Variants in ERFL observed in about 807,000 individuals in gnomAD.
ERFL encodes the protein ETS domain-containing transcription factor ERF-like.
In ERFL, 8 loss-of-function variants were observed where a neutral mutation model predicts 27.9. The ratio of observed to expected loss-of-function variants is 0.29; its 90% CI spans 0.17 to 0.52. The LOEUF (loss-of-function observed/expected upper bound fraction) is 0.52. Ranked by LOEUF, ERFL falls within the 20% of genes least tolerant of loss-of-function variation. The pLI, the probability that ERFL is intolerant of heterozygous loss-of-function variation, is 0.97. For missense variants in ERFL, 294 were observed against 444.4 expected (o/e 0.66, Z 3.04); for synonymous variants, 174 against 202.8 (o/e 0.86, Z 1.21).
rs918988812 is a variant in ERFL, at chr19:41,907,857, G to T, written c.*371C>A. Reference sequence around the variant, plus strand: ...CTGTCCCCAGGGGGGCCTATATGGGGGGGGTGTCAGGACTGGGGCCAGCAC... The same window carrying T: ...CTGTCCCCAGGGGGGCCTATATGGGTGGGGTGTCAGGACTGGGGCCAGCAC... On this transcript the variant is annotated 3_prime_UTR_variant, in exon 6 of 6. Transcript: ENST00000597630. 1.9e-5 allele frequency: 4 copies of T among 212,372 alleles called. No individual in the cohort carries two copies. Among genetic ancestry groups the T allele is most frequent in the Non-Finnish European group, 3.6e-5 (4 of 110,086 alleles). 13.2% of individuals were successfully genotyped at this position (212,372 alleles called of 1,614,324 possible).
intron 2 of ERFL, among the ~76,000 whole-genome samples, chr19:41,911,684 C>G (rs1555851266): frequency 6.6e-6 from 1 of 152,106 alleles, no homozygotes; most frequent in Non-Finnish European, 1.5e-5. Context: ...AGCTCTGACC[C>G]ATTCCACACC....
At chr19:41,915,269 C>T (rs533868581) in intron 1 of ERFL, among the ~76,000 whole-genome samples, 3 of 150,852 alleles carry the variant, frequency 2.0e-5, no homozygotes, top group South Asian at 4.3e-4. Context: ...CCTGCTCCCA[C>T]GCTCCCCCCG....
At chr19:41,918,761 A>G (rs2074819637) in intron 1 of ERFL, among the ~76,000 whole-genome samples, 1 of 149,414 alleles carries the variant, frequency 6.7e-6, no homozygotes, top group African/African-American at 2.5e-5. Flanking sequence ...CACCACATAT[A>G]CATCTACCAC....
chr19:41,920,586 C>T (rs1395796715), intron 1 of ERFL, among the ~76,000 whole-genome samples: 2 of 152,222 alleles, frequency 1.3e-5, no homozygotes, highest in Non-Finnish European at 2.9e-5. Flanking sequence ...GTGATGCACT[C>T]ACAGACAGGA....
chr19:41,919,634 G>C (rs963353291), intron 1 of ERFL, among the ~76,000 whole-genome samples: 1 of 152,024 alleles, frequency 6.6e-6, no homozygotes, highest in Non-Finnish European at 1.5e-5. Context: ...ACACACAGCT[G>C]GTCTGTGACA....
At chr19:41,923,000 G>T in intron 1 of ERFL, 1 of 377,546 alleles carries the variant, frequency 2.6e-6, no homozygotes, top group South Asian at 2.0e-5. Flanking sequence ...GGAATGTGAG[G>T]GGCAGCCTAG....
At chr19:41,918,860 C>T (rs2074820354) in intron 1 of ERFL, among the ~76,000 whole-genome samples, 1 of 150,834 alleles carries the variant, frequency 6.6e-6, no homozygotes, top group African/African-American at 2.4e-5. Flanking sequence ...ATCAGACACA[C>T]CACACACCAC....
Position 41,917,225 on chromosome 19 carries a change from A to G in ERFL, c.-13-4293T>C, listed in dbSNP as rs911915578. ...CCTGCCTGTCTTTCTAAATATCTCC[A>G]TCTCTGAGTGTCTCTGTTTCCCCCA... On this transcript the variant is annotated intron_variant, in intron 1 of 5. Coordinates refer to ENST00000597630, the MANE Select transcript of ERFL (RefSeq NM_001365103.2). The surrounding 1 kb of genome is among the most constrained non-coding windows in gnomAD (Gnocchi z 4.8). Among the ~76,000 whole-genome samples the G allele has an allele frequency of 1.3e-5, 2 of 150,796 alleles. No individual in the cohort carries two copies. Among genetic ancestry groups the G allele is most frequent in the Non-Finnish European group, 3.0e-5 (2 of 67,666 alleles).
intron 1 of ERFL, 41 bp from the exon 2 acceptor site, chr19:41,912,973 GGA>G (rs2074762754): frequency 1.0e-6 from 1 of 966,352 alleles, no homozygotes; most frequent in Admixed American, 4.3e-5. Flanking sequence ...GGGGTGGGCA[GGA>G]GAGACAGACA....
chr19:41,908,983 C>G lies in ERFL; in HGVS notation c.616+77G>C. On this transcript the variant is annotated intron_variant, in intron 5 of 5. Coordinates refer to ENST00000597630, the MANE Select transcript of ERFL (RefSeq NM_001365103.2). This position sits in a 1 kb window ranked among gnomAD's most constrained non-coding sequence, Gnocchi z 6.7. Reference sequence around the variant, plus strand: ...CCCCCTTCCCCATCTCTTCTCTTGTCTTTTCTCATCCTCTTCCCTCAAGCC... The same window carrying G: ...CCCCCTTCCCCATCTCTTCTCTTGTGTTTTCTCATCCTCTTCCCTCAAGCC... The G allele has an allele frequency of 1.1e-6, 1 of 947,030 alleles. No homozygotes were observed. Among genetic ancestry groups the G allele is most frequent in the Non-Finnish European group, 1.4e-6 (1 of 729,044 alleles). 58.7% of individuals were successfully genotyped at this position (947,030 alleles called of 1,614,324 possible). A position where few individuals can be genotyped will look rare whatever the true frequency, so the allele number is the denominator to read the frequency against.
chr19:41,920,285 G>A (rs73550655), intron 1 of ERFL, among the ~76,000 whole-genome samples: 28,394 of 121,510 alleles, frequency 0.23, 6,263 homozygotes, highest in African/African-American at 0.6. Flanking sequence ...ACATGATAAC[G>A]CTCACAGACA....
chr19:41,909,489 GTGT>G lies in ERFL; in HGVS notation c.303-21_303-19del. 1 of 1,252,372 alleles carries G rather than the reference GTGT, an allele frequency of 8.0e-7. No individual in the cohort carries two copies. Among genetic ancestry groups the G allele is most frequent in the Non-Finnish European group, 1.0e-6 (1 of 999,940 alleles). 77.6% of individuals were successfully genotyped at this position (1,252,372 alleles called of 1,614,324 possible). A position where few individuals can be genotyped will look rare whatever the true frequency, so the allele number is the denominator to read the frequency against. ...AGTAGTAACTGTGGGGAGAGTGGTG[GTGT>G]TGGGGAGGTGCAGGGGGAGCCCTGG... On this transcript the variant is annotated intron_variant, in intron 3 of 5. Transcript: ENST00000597630. The surrounding 1 kb of genome is among the most constrained non-coding windows in gnomAD (Gnocchi z 5.2).
intron 1 of ERFL, among the ~76,000 whole-genome samples, chr19:41,915,019 GTCCCTGTCCCGCGTCTC>G (rs1351355074): frequency 3.6e-4 from 27 of 76,050 alleles, no homozygotes; most frequent in Non-Finnish European, 5.4e-4. Context: ...CCCCCACCGT[GTCCCTGTCCCGCGTCTC>G]TCCAGCAGCC....
At chr19:41,925,671 TG>T (rs1481058061) in intron 1 of ERFL, among the ~76,000 whole-genome samples, 1 of 152,002 alleles carries the variant, frequency 6.6e-6, no homozygotes, top group African/African-American at 2.4e-5. Context: ...GTGCTTCTGT[TG>T]TCTGTGATGA....
intron 1 of ERFL, among the ~76,000 whole-genome samples, chr19:41,926,928 G>A (rs950445145): frequency 1.1e-4 from 16 of 152,110 alleles, no homozygotes; most frequent in Non-Finnish European, 1.6e-4. Context: ...CAGAGAGACA[G>A]TAAGAGACAG....
chr19:41,922,823 CAA>C (rs1555852687), intron 1 of ERFL, among the ~76,000 whole-genome samples: 1 of 152,236 alleles, frequency 6.6e-6, no homozygotes, highest in East Asian at 1.9e-4. Flanking sequence ...ATTATTGTGA[CAA>C]GATGCAATCC....
intron 1 of ERFL, among the ~76,000 whole-genome samples, chr19:41,913,770 G>C: frequency 1.2e-5 from 1 of 83,270 alleles, no homozygotes; most frequent in Non-Finnish European, 2.4e-5. Flanking sequence ...CAGTCTCCCC[G>C]CACCTTTCCC....
intron 1 of ERFL, among the ~76,000 whole-genome samples, chr19:41,922,718 C>G (rs549931996): frequency 6.6e-6 from 1 of 151,080 alleles, no homozygotes; most frequent in Non-Finnish European, 1.5e-5. Context: ...CCACAAGGGC[C>G]GGGGTCCAGC....
chr19:41,916,860 A>T lies in ERFL; in HGVS notation c.-13-3928T>A, dbSNP rs1285871506. 6.6e-6 allele frequency among the ~76,000 whole-genome samples: 1 copy of T among 152,078 alleles called. No homozygotes were observed. The highest frequency in any genetic ancestry group is 1.5e-5 in the Non-Finnish European group (1 of 68,004). ...ATACGACCGACAGCGGCCCCTGCAG[A>T]GGTACACACAGACACACCCAGACAC... is the stretch of plus-strand genomic sequence containing the variant. On this transcript the variant is annotated intron_variant, in intron 1 of 5. Transcript: ENST00000597630. The surrounding 1 kb of genome is among the most constrained non-coding windows in gnomAD (Gnocchi z 5.4).
Sources: allele counts gnomAD v4.1 joint callset (sites outside exome capture counted in the v4.1 genomes callset), GRCh38; gene constraint gnomAD v4.1.1; non-coding constraint Gnocchi (gnomAD v3.1); transcripts MANE v1.5; gene names NCBI Gene and HGNC (gene_info 2026-07-23, HGNC 2026-07-21).